KAZN: variants seen among roughly 807,000 people sequenced by gnomAD.
The protein encoded by KAZN is kazrin, periplakin interacting protein, also known as kazrin.
In KAZN, 40 loss-of-function variants were observed where a neutral mutation model predicts 87.4. That is an observed-to-expected ratio of 0.46 (90% CI 0.36 to 0.60). KAZN has a LOEUF of 0.60. KAZN is among the 20% of genes least tolerant of loss of function. The probability of loss-of-function intolerance (pLI) is 0.00; values close to 1 mark genes in which losing one functional copy is unlikely to be tolerated. For synonymous variants in KAZN, 466 were observed against 458.3 expected, an observed-to-expected ratio of 1.02 and a Z score of -0.22; for missense variants, 898 against 1,073.9, an observed-to-expected ratio of 0.84 and a Z score of 2.29.
intron 1 of KAZN, among the ~76,000 whole-genome samples, chr1:14,883,093 C>T (rs766669859): frequency 1.3e-4 from 19 of 151,746 alleles, no homozygotes; most frequent in Non-Finnish European, 2.5e-4. Flanking sequence ...GTCGGGAGTT[C>T]GAGACCAGCC....
At chr1:14,645,393 G>C (rs1680736444) in intron 1 of KAZN, among the ~76,000 whole-genome samples, 2 of 152,190 alleles carry the variant, frequency 1.3e-5, no homozygotes, top group African/African-American at 4.8e-5. Context: ...GCTTTGGGCA[G>C]TATGGACATT....
intron 2 of KAZN, among the ~76,000 whole-genome samples, chr1:14,231,713 T>G (rs1647867898): frequency 6.6e-6 from 1 of 152,218 alleles, no homozygotes; most frequent in African/African-American, 2.4e-5. Flanking sequence ...GAAACTCACT[T>G]TATCAGTTGC....
At chr1:14,540,297 T>C (rs745390408) in intron 2 of KAZN, among the ~76,000 whole-genome samples, 6 of 152,106 alleles carry the variant, frequency 3.9e-5, no homozygotes, top group African/African-American at 7.2e-5. Context: ...ACCCCTGCAG[T>C]TGGTAATTCC....
intron 2 of KAZN, among the ~76,000 whole-genome samples, chr1:14,443,612 G>A (rs1666817857): frequency 6.6e-6 from 1 of 152,230 alleles, no homozygotes; most frequent in African/African-American, 2.4e-5. Flanking sequence ...TAACTGGGAT[G>A]GGAAGATAAG....
chr1:14,345,067 C>A (rs796780544), intron 2 of KAZN, among the ~76,000 whole-genome samples: 6 of 152,090 alleles, frequency 3.9e-5, no homozygotes, highest in African/African-American at 1.4e-4. Context: ...TACAGGCACC[C>A]GCTACCACAC....
chr1:14,593,893 T>C (rs1491001642), upstream of KAZN, among the ~76,000 whole-genome samples: 4 of 152,144 alleles, frequency 2.6e-5, no homozygotes, highest in Non-Finnish European at 5.9e-5. Context: ...GTGGGTGTAA[T>C]TTAGGAAGTG....
chr1:14,803,894 G>A (rs796850504), intron 1 of KAZN, among the ~76,000 whole-genome samples: 23 of 152,346 alleles, frequency 1.5e-4, no homozygotes, highest in African/African-American at 4.8e-4. Flanking sequence ...GAGCCCCAAG[G>A]CAGATCCTGT....
In KAZN at chr1:14,366,282, G is replaced by C. The variant is rs986187505; in HGVS notation, c.249+185690G>C. 4.6e-5 allele frequency among the ~76,000 whole-genome samples: 7 copies of C among 152,232 alleles called. No homozygotes were observed. In the South Asian group the frequency reaches 1.4e-3, roughly 32 times the overall value. ...CCCTCTGAACGTACAAATGAAAACT[G>C]AAATGTCGTAGCTCATCTTCATTGA... On this transcript the variant is annotated intron_variant, in intron 2 of 16. Transcript: ENST00000636203.
At chr1:14,239,847 ATGGG>A (rs949340048) in intron 2 of KAZN, among the ~76,000 whole-genome samples, 8 of 152,036 alleles carry the variant, frequency 5.3e-5, no homozygotes, top group Non-Finnish European at 8.8e-5. Flanking sequence ...ACAACCAACA[ATGGG>A]TGGGAAGAGA....
intron 2 of KAZN, among the ~76,000 whole-genome samples, chr1:14,185,033 C>G (rs1229288617): frequency 6.6e-6 from 1 of 152,092 alleles, no homozygotes; most frequent in African/African-American, 2.4e-5. Flanking sequence ...AGGGTTATGC[C>G]TATGAATGTG....
intron 2 of KAZN, among the ~76,000 whole-genome samples, chr1:14,464,180 A>G (rs1478014989): frequency 1.3e-5 from 2 of 152,220 alleles, no homozygotes; most frequent in African/African-American, 2.4e-5. Context: ...TTTGTCATGT[A>G]TAATTGAGAG....
At chr1:14,115,052 C>T (rs1055905851) in intron 1 of KAZN, among the ~76,000 whole-genome samples, 3 of 152,210 alleles carry the variant, frequency 2.0e-5, no homozygotes, top group African/African-American at 7.2e-5. Context: ...GCTGCCATAA[C>T]AAAGTCCCAC....
At position 14,821,458 on chromosome 1, in the gene KAZN, A is replaced by G. The variant is rs553207041; in HGVS notation, c.227-139226A>G. The stretch of plus-strand genomic sequence containing the variant: ...CTTGAACCCAGGAGGTGGAGGTTGC[A>G]GTGAGTGGAGATAGCTCCACTGCAC... On this transcript the variant is annotated intron_variant, in intron 1 of 14. Coordinates refer to ENST00000376030, the MANE Select transcript of KAZN (RefSeq NM_201628.3). 4.0e-3 allele frequency among the ~76,000 whole-genome samples: 610 copies of G among 151,886 alleles called. 2 individuals carry two copies. The highest frequency in any genetic ancestry group is 7.0e-3 in the Non-Finnish European group (472 of 67,904).
chr1:15,019,915 T>G (rs900839676), intron 2 of KAZN, among the ~76,000 whole-genome samples: 1 of 152,196 alleles, frequency 6.6e-6, no homozygotes, highest in Non-Finnish European at 1.5e-5. Context: ...TGCCAAGTAC[T>G]GCCTGGCACC....
chr1:14,933,573 G>A (rs1186981181), intron 1 of KAZN, among the ~76,000 whole-genome samples: 2 of 152,104 alleles, frequency 1.3e-5, no homozygotes, highest in Non-Finnish European at 2.9e-5. Context: ...GTAAATCCAG[G>A]TATCTTTTTC....
At chr1:14,002,638 T>C (rs892524671) in intron 1 of KAZN, among the ~76,000 whole-genome samples, 1 of 152,126 alleles carries the variant, frequency 6.6e-6, no homozygotes. Flanking sequence ...GAAATGCAAA[T>C]CAAAACTACA....
intron 2 of KAZN, among the ~76,000 whole-genome samples, chr1:14,559,620 A>G (rs1459983387): frequency 6.6e-6 from 1 of 152,238 alleles, no homozygotes; most frequent in African/African-American, 2.4e-5. Flanking sequence ...ACCGGACTGC[A>G]TTCTCGAGGC....
At chr1:14,204,259 G>C (rs1380586522) in intron 2 of KAZN, among the ~76,000 whole-genome samples, 1 of 151,984 alleles carries the variant, frequency 6.6e-6, no homozygotes, top group Non-Finnish European at 1.5e-5. Context: ...ACTTCTTCAC[G>C]ATTATTCTTT....
At chr1:14,403,876 T>C (rs936714736) in intron 2 of KAZN, among the ~76,000 whole-genome samples, 1 of 152,098 alleles carries the variant, frequency 6.6e-6, no homozygotes, top group African/African-American at 2.4e-5. Context: ...GCAGACACAC[T>C]ATAGTGAAGT....
Sources: gnomAD v4.1 joint callset for allele counts (sites outside exome capture counted in the v4.1 genomes callset) on GRCh38, gnomAD v4.1.1 for gene constraint, MANE v1.5 for transcripts, NCBI Gene and HGNC (gene_info 2026-07-23, HGNC 2026-07-21) for gene names.